PDPN: variants seen among roughly 807,000 people sequenced by gnomAD.
PDPN encodes the protein PA2.26 antigen.
Under a neutral mutation model 23.2 loss-of-function variants are expected in PDPN, and 12 were observed. The observed-to-expected ratio is 0.52, with a 90% confidence interval of 0.33 to 0.84. The LOEUF (loss-of-function observed/expected upper bound fraction) is 0.84. PDPN is among the 40% of genes least tolerant of loss of function. The pLI is 0.02. For synonymous variants in PDPN, 77 were observed against 76.7 expected, an observed-to-expected ratio of 1.00 and a Z score of -0.02; for missense variants, 199 against 212.2, an observed-to-expected ratio of 0.94 and a Z score of 0.39.
chr1:13,598,072 G>A (rs1000247617), intron 1 of PDPN, among the ~76,000 whole-genome samples: 8 of 151,728 alleles, frequency 5.3e-5, no homozygotes, highest in African/African-American at 1.2e-4. Context: ...GCTGGAGTGC[G>A]TGGCACTATC....
chr1:13,607,099 C>G (rs766604930), intron 1 of PDPN, 74 bp from the exon 2 acceptor site: 142 of 1,461,788 alleles, frequency 9.7e-5, no homozygotes, highest in Non-Finnish European at 1.2e-4. Context: ...AGAAAATAAT[C>G]CGAATGTAGC....
At chr1:13,585,814 G>C (rs567547675) in intron 1 of PDPN, among the ~76,000 whole-genome samples, 2 of 152,164 alleles carry the variant, frequency 1.3e-5, no homozygotes, top group Non-Finnish European at 2.9e-5. Context: ...TGAGCGAGGC[G>C]ACTTGAATAT....
intron 5 of PDPN, among the ~76,000 whole-genome samples, chr1:13,615,144 C>T (rs2100291532): frequency 6.6e-6 from 1 of 152,240 alleles, no homozygotes; most frequent in Non-Finnish European, 1.5e-5. Context: ...CCGCTCTTGC[C>T]CTGCGTGCAC....
intron 1 of PDPN, among the ~76,000 whole-genome samples, chr1:13,594,814 G>A (rs768343526): frequency 4.0e-5 from 6 of 150,712 alleles, no homozygotes; most frequent in Non-Finnish European, 7.4e-5. Context: ...GTGAAATCCC[G>A]TCTCTACTAA....
intron 1 of PDPN, chr1:13,585,720 C>G: frequency 8.7e-7 from 1 of 1,146,838 alleles, no homozygotes; most frequent in Non-Finnish European, 1.2e-6. Context: ...AAGTGGTATG[C>G]GGGGCTGGCT....
chr1:13,601,736 G>T (rs959359164), intron 1 of PDPN, among the ~76,000 whole-genome samples: 4 of 152,158 alleles, frequency 2.6e-5, no homozygotes, highest in African/African-American at 9.7e-5. Flanking sequence ...ATTTATCAGG[G>T]TGATTGGCTA....
At chr1:13,613,605 G>T in intron 3 of PDPN, 82 bp from the exon 4 acceptor site, 3 of 752,716 alleles carry the variant, frequency 4.0e-6, no homozygotes, top group East Asian at 2.6e-5. Flanking sequence ...TTTCCACTTG[G>T]GTAAATTCAT....
intron 1 of PDPN, among the ~76,000 whole-genome samples, chr1:13,584,612 G>T (rs1315325851): frequency 6.6e-6 from 1 of 152,250 alleles, no homozygotes; most frequent in Non-Finnish European, 1.5e-5. Flanking sequence ...CTGCCTGTTG[G>T]ACACACTCAG....
intron 1 of PDPN, among the ~76,000 whole-genome samples, chr1:13,601,736 G>A (rs959359164): frequency 6.6e-6 from 1 of 152,158 alleles, no homozygotes; most frequent in African/African-American, 2.4e-5. Flanking sequence ...ATTTATCAGG[G>A]TGATTGGCTA....
intron 1 of PDPN, among the ~76,000 whole-genome samples, chr1:13,605,446 A>G (rs1304226918): frequency 6.6e-6 from 1 of 152,252 alleles, no homozygotes; most frequent in Non-Finnish European, 1.5e-5. Flanking sequence ...CCAGTGAGTC[A>G]CATTTTTAAT....
At chr1:13,603,547 T>C (rs1218570456) in intron 1 of PDPN, among the ~76,000 whole-genome samples, 1 of 152,136 alleles carries the variant, frequency 6.6e-6, no homozygotes, top group Non-Finnish European at 1.5e-5. Context: ...TGACAGTTGA[T>C]TTATCAAATC....
At chr1:13,585,190 T>C (rs1640143401) in intron 1 of PDPN, among the ~76,000 whole-genome samples, 1 of 152,042 alleles carries the variant, frequency 6.6e-6, no homozygotes. Context: ...AAATTGAGGA[T>C]CAAGGTAGGC....
chr1:13,596,532 C>T (rs1288124382), intron 1 of PDPN, among the ~76,000 whole-genome samples: 1 of 152,218 alleles, frequency 6.6e-6, no homozygotes, highest in African/African-American at 2.4e-5. Flanking sequence ...ATGTCGATCA[C>T]GACCAGTGGC....
At chr1:13,608,679 C>A (rs399869) in intron 2 of PDPN, among the ~76,000 whole-genome samples, 107,863 of 152,054 alleles carry the variant, frequency 0.71, 38,494 homozygotes, top group Admixed American at 0.77. Context: ...TCACCAAGGC[C>A]AATTTATTTC....
intron 5 of PDPN, 165 bp downstream of exon 5, chr1:13,614,576 G>T (rs909548756): frequency 1.4e-5 from 8 of 579,094 alleles, no homozygotes; most frequent in Non-Finnish European, 2.2e-5. Flanking sequence ...AACATAGTAA[G>T]ACCCTGTCTC....
chr1:13,586,008 G>T (rs1282448978), intron 1 of PDPN, among the ~76,000 whole-genome samples: 1 of 152,100 alleles, frequency 6.6e-6, no homozygotes, highest in Non-Finnish European at 1.5e-5. Context: ...ATCCCTTTGG[G>T]TGTTAGTGGA....
intron 1 of PDPN, among the ~76,000 whole-genome samples, chr1:13,588,084 G>A (rs1640227078): frequency 6.6e-6 from 1 of 152,248 alleles, no homozygotes; most frequent in South Asian, 2.1e-4. Context: ...GGAGCTGAAA[G>A]CTGACATTGT....
chr1:13,599,447 G>T (rs541937853), intron 1 of PDPN, among the ~76,000 whole-genome samples: 1 of 133,496 alleles, frequency 7.5e-6, no homozygotes, highest in Non-Finnish European at 1.5e-5. Flanking sequence ...GTGCAGTGGC[G>T]CAATCTCAGC....
At chr1:13,608,674 A>C (rs951442027) in intron 2 of PDPN, among the ~76,000 whole-genome samples, 5 of 152,146 alleles carry the variant, frequency 3.3e-5, no homozygotes, top group African/African-American at 1.2e-4. Context: ...ATTTTTCACC[A>C]AGGCCAATTT....
Sources: allele counts gnomAD v4.1 joint callset (sites outside exome capture counted in the v4.1 genomes callset), GRCh38; gene constraint gnomAD v4.1.1; transcripts MANE v1.5; gene names NCBI Gene and HGNC (gene_info 2026-07-23, HGNC 2026-07-21).